Variants in TC2N observed in about 807,000 individuals in gnomAD.
TC2N encodes tandem C2 domains nuclear protein.
A neutral mutation model predicts 61.9 loss-of-function variants in TC2N; 51 were observed. The ratio of observed to expected loss-of-function variants is 0.82; its 90% confidence interval spans 0.66 to 1.04. The LOEUF is 1.04. TC2N is among the 50% of genes least tolerant of loss of function. The probability of loss-of-function intolerance (pLI) is 0.00; values close to 1 mark genes in which losing one functional copy is unlikely to be tolerated. For synonymous variants in TC2N, 204 were observed against 192.6 expected, an observed-to-expected ratio of 1.06 and a Z score of -0.49; for missense variants, 556 against 566.7, an observed-to-expected ratio of 0.98 and a Z score of 0.19.
intron 1 of TC2N, among the ~76,000 whole-genome samples, chr14:91,844,925 G>A (rs1888240637): frequency 6.6e-6 from 1 of 152,046 alleles, no homozygotes; most frequent in African/African-American, 2.4e-5. Context: ...CTGTGTTAAT[G>A]GTCCATATAA....
At chr14:91,810,565 G>A (rs1886718479) in intron 3 of TC2N, among the ~76,000 whole-genome samples, 1 of 151,818 alleles carries the variant, frequency 6.6e-6, no homozygotes, top group Admixed American at 6.6e-5. Flanking sequence ...CTATTTTCAA[G>A]AAAAAAGACA....
chr14:91,807,735 T>C (rs890161188), intron 3 of TC2N, among the ~76,000 whole-genome samples: 4 of 152,212 alleles, frequency 2.6e-5, no homozygotes, highest in South Asian at 2.1e-4. Context: ...TTTGAGTTCA[T>C]GCTGAAATGA....
chr14:91,828,900 C>T (rs1566782606), intron 1 of TC2N, among the ~76,000 whole-genome samples: 1 of 151,436 alleles, frequency 6.6e-6, no homozygotes, highest in Non-Finnish European at 1.5e-5. Context: ...TGATCATCAC[C>T]CTGTATTACT....
At chr14:91,797,194 A>G (rs1885940406) in intron 8 of TC2N, among the ~76,000 whole-genome samples, 1 of 152,076 alleles carries the variant, frequency 6.6e-6, no homozygotes, top group East Asian at 1.9e-4. Context: ...TTAAATTTGT[A>G]TTTCTATGAT....
intron 8 of TC2N, among the ~76,000 whole-genome samples, chr14:91,795,493 C>T (rs551623149): frequency 6.6e-6 from 1 of 152,272 alleles, no homozygotes; most frequent in South Asian, 2.1e-4. Context: ...GATCATTCAG[C>T]AACCATCAAC....
At chr14:91,816,070 A>G (rs1322707190) in intron 1 of TC2N, among the ~76,000 whole-genome samples, 2 of 151,802 alleles carry the variant, frequency 1.3e-5, no homozygotes, top group Non-Finnish European at 3.0e-5. Flanking sequence ...TGTTATTAGA[A>G]GTAGTGCCAC....
chr14:91,788,644 A>C (rs967313970), intron 9 of TC2N, among the ~76,000 whole-genome samples: 3 of 152,172 alleles, frequency 2.0e-5, no homozygotes, highest in South Asian at 2.1e-4. Flanking sequence ...ACAACAACAA[A>C]AAAACAACAA....
intron 9 of TC2N, among the ~76,000 whole-genome samples, chr14:91,788,748 A>G (rs1885486673): frequency 6.6e-6 from 1 of 152,242 alleles, no homozygotes; most frequent in Admixed American, 6.5e-5. Flanking sequence ...GCCATAAGAA[A>G]TGAAGAGATA....
chr14:91,816,477 T>C (rs1887006168), intron 1 of TC2N, among the ~76,000 whole-genome samples: 1 of 151,866 alleles, frequency 6.6e-6, no homozygotes, highest in East Asian at 1.9e-4. Context: ...TTGGTCTTTT[T>C]CTTCTCCAGT....
rs984622763 is a variant in TC2N, at chr14:91,780,776, C to T, written c.*2324G>A. 7.2e-5 allele frequency: 11 copies of T among 152,152 alleles called. No individual in the cohort carries two copies. The highest frequency in any genetic ancestry group is 1.9e-4 in the East Asian group (1 of 5,200). The allele number at this position is 152,152 out of a possible 1,614,324, so 9.4% of individuals were successfully genotyped here. A position where few individuals can be genotyped will look rare whatever the true frequency, so the allele number is the denominator to read the frequency against. On this transcript the variant is annotated 3_prime_UTR_variant, in exon 12 of 12. Transcript: ENST00000435962. ...CTCATTTTTTACTACCAGCTCCTAA[C>T]GTTTTTCTCACAATATGCATACCTA...
chr14:91,815,438 T>C (rs1886963365), intron 1 of TC2N, among the ~76,000 whole-genome samples: 1 of 151,522 alleles, frequency 6.6e-6, no homozygotes, highest in Non-Finnish European at 1.5e-5. Context: ...ACACCACAAA[T>C]AAGATATAGA....
At chr14:91,831,762 T>G (rs1409163729) in intron 1 of TC2N, among the ~76,000 whole-genome samples, 1 of 152,196 alleles carries the variant, frequency 6.6e-6, no homozygotes, top group African/African-American at 2.4e-5. Flanking sequence ...TTAAATAGAT[T>G]TTCTTTTTTA....
rs1295201387 is a variant in TC2N, at chr14:91,837,656, GT to G, written c.-56-23832del. Reference sequence around the variant, plus strand: ...TAGAGATGCTGCAGTGGGAGTAGGGGTAGATCACCAGATCACATTAATGTGG... The same window carrying G: ...TAGAGATGCTGCAGTGGGAGTAGGGGAGATCACCAGATCACATTAATGTGG... On this transcript the variant is annotated intron_variant, in intron 1 of 11. Coordinates refer to ENST00000435962, the MANE Select transcript of TC2N (RefSeq NM_001128596.3). The surrounding 1 kb of genome is among the most constrained non-coding windows in gnomAD (Gnocchi z 4.2). Among the ~76,000 whole-genome samples, 1 of 152,224 alleles carries G rather than the reference GT, an allele frequency of 6.6e-6. No individual in the cohort carries two copies. Among genetic ancestry groups the G allele is most frequent in the Non-Finnish European group, 1.5e-5 (1 of 68,050 alleles).
rs1374889914 is a variant in TC2N at position 91,837,105 on chromosome 14, C to G, written c.-56-23280G>C. 6.6e-6 allele frequency among the ~76,000 whole-genome samples: 1 copy of G among 152,234 alleles called. No homozygotes were observed. The highest frequency in any genetic ancestry group is 1.5e-5 in the Non-Finnish European group (1 of 68,048). ...CACCCCCGATTCTATGAGGGATCCC[C>G]TCTAACCCTGGTAAAGCGGGGGGCC... is the stretch of plus-strand genomic sequence containing the variant. On this transcript the variant is annotated intron_variant, in intron 1 of 11. Transcript: ENST00000435962. This position sits in a 1 kb window ranked among gnomAD's most constrained non-coding sequence, Gnocchi z 4.2.
At chr14:91,839,553 A>G (rs890985947) in intron 1 of TC2N, among the ~76,000 whole-genome samples, 3 of 152,224 alleles carry the variant, frequency 2.0e-5, no homozygotes, top group African/African-American at 7.2e-5. Context: ...CTGAGCACAC[A>G]GCATAGCACT....
chr14:91,836,328 C>G (rs988931490), intron 1 of TC2N: 2 of 152,180 alleles, frequency 1.3e-5, no homozygotes, highest in African/African-American at 2.4e-5. Flanking sequence ...CTCCACGTCC[C>G]ACGCCCGCGC....
intron 1 of TC2N, among the ~76,000 whole-genome samples, chr14:91,832,492 C>A (rs1887824025): frequency 6.6e-6 from 1 of 151,810 alleles, no homozygotes; most frequent in Admixed American, 6.6e-5. Flanking sequence ...GGTTCAACAT[C>A]ATCAGTAATT....
chr14:91,853,798 G>T (rs1032084961), intron 1 of TC2N, among the ~76,000 whole-genome samples: 1 of 151,576 alleles, frequency 6.6e-6, no homozygotes, highest in Non-Finnish European at 1.5e-5. Context: ...GCATTTTTTG[G>T]TTTAACAAGC....
chr14:91,832,406 C>A (rs1161188941), intron 1 of TC2N, among the ~76,000 whole-genome samples: 3 of 117,280 alleles, frequency 2.6e-5, no homozygotes, highest in South Asian at 2.8e-4. Context: ...AAAAAAAAAT[C>A]TATGTTTTAA....
Sources: gnomAD v4.1 joint callset for allele counts (sites outside exome capture counted in the v4.1 genomes callset) on GRCh38, gnomAD v4.1.1 for gene constraint, Gnocchi (gnomAD v3.1) non-coding constraint, MANE v1.5 for transcripts, NCBI Gene and HGNC (gene_info 2026-07-23, HGNC 2026-07-21) for gene names.